THADA: variants seen among roughly 807,000 people sequenced by gnomAD.
The protein encoded by THADA is tRNA (32-2'-O)-methyltransferase regulator THADA.
Under a neutral mutation model 219.8 loss-of-function variants are expected in THADA, and 213 were observed. The ratio of observed to expected loss-of-function variants is 0.97; its 90% CI spans 0.87 to 1.09. The LOEUF (loss-of-function observed/expected upper bound fraction) is 1.09. Ranked by LOEUF, THADA falls within the 50% of genes least tolerant of loss-of-function variation. The pLI is 0.00. For missense variants in THADA, 2,956 were observed against 2,311.3 expected (o/e 1.28, Z -5.72); for synonymous variants, 1,018 against 828.9 (o/e 1.23, Z -3.92).
chr2:43,238,889 G>C (rs555922563), intron 36 of THADA, among the ~76,000 whole-genome samples: 1 of 136,972 alleles, frequency 7.3e-6, no homozygotes, highest in Admixed American at 6.8e-5. Flanking sequence ...GCCAAGAGCT[G>C]TGGGAGCTGG....
chr2:43,532,817 T>C (rs1377169703), intron 21 of THADA, among the ~76,000 whole-genome samples: 2 of 152,114 alleles, frequency 1.3e-5, no homozygotes, highest in Non-Finnish European at 2.9e-5. Flanking sequence ...GCAATACCAT[T>C]CACGACATAG....
chr2:43,282,696 C>T (rs1002807300), intron 35 of THADA, among the ~76,000 whole-genome samples: 1 of 152,114 alleles, frequency 6.6e-6, no homozygotes, highest in African/African-American at 2.4e-5. Context: ...TTATTAAACC[C>T]TATGCTTAAA....
intron 1 of THADA, among the ~76,000 whole-genome samples, chr2:43,595,129 C>T (rs1574417784): frequency 6.6e-6 from 1 of 152,198 alleles, no homozygotes; most frequent in Non-Finnish European, 1.5e-5. Flanking sequence ...AAACATTTGT[C>T]AGAGATGTTC....
intron 28 of THADA, among the ~76,000 whole-genome samples, chr2:43,402,035 A>T (rs1289996877): frequency 6.6e-6 from 1 of 152,186 alleles, no homozygotes; most frequent in Admixed American, 6.5e-5. Context: ...ATTTATGAAC[A>T]TATGCACACA....
At chr2:43,330,838 G>C (rs10166994) in intron 30 of THADA, among the ~76,000 whole-genome samples, 37,128 of 152,132 alleles carry the variant, frequency 0.24, 5,244 homozygotes, top group African/African-American at 0.39. Flanking sequence ...CAGGCCTCGG[G>C]AGAGGAAGAA....
chr2:43,429,856 A>T (rs1261525449), intron 27 of THADA, among the ~76,000 whole-genome samples: 1 of 151,824 alleles, frequency 6.6e-6, no homozygotes, highest in African/African-American at 2.4e-5. Flanking sequence ...CACTTTAATA[A>T]AAAAGCCAAT....
chr2:43,371,761 C>T (rs1670829132), intron 29 of THADA, among the ~76,000 whole-genome samples: 1 of 152,152 alleles, frequency 6.6e-6, no homozygotes, highest in South Asian at 2.1e-4. Context: ...GACTGAATTA[C>T]TTTGGTCTGT....
chr2:43,362,192 C>A (rs1333014801), intron 29 of THADA, among the ~76,000 whole-genome samples: 3 of 152,188 alleles, frequency 2.0e-5, no homozygotes, highest in African/African-American at 7.2e-5. Context: ...AGCAAAGCGT[C>A]TTTCCTGTGT....
intron 29 of THADA, among the ~76,000 whole-genome samples, chr2:43,350,194 T>TGCAG (rs1355143613): frequency 6.6e-6 from 1 of 152,088 alleles, no homozygotes; most frequent in Non-Finnish European, 1.5e-5. Context: ...CAAACAGAAC[T>TGCAG]GCAGGCAGGC....
At chr2:43,513,390 T>C (rs1690743893) in intron 22 of THADA, among the ~76,000 whole-genome samples, 1 of 152,070 alleles carries the variant, frequency 6.6e-6, no homozygotes, top group African/African-American at 2.4e-5. Context: ...TGAACAGAAA[T>C]GCAAAGTAGT....
chr2:43,532,354 A>G (rs1007009857), intron 21 of THADA, among the ~76,000 whole-genome samples: 3 of 147,526 alleles, frequency 2.0e-5, no homozygotes, highest in African/African-American at 7.5e-5. Context: ...CAGAGGTTGC[A>G]GTGAGCCAAG....
chr2:43,256,478 G>A (rs1277436650), intron 36 of THADA, among the ~76,000 whole-genome samples: 2 of 151,748 alleles, frequency 1.3e-5, no homozygotes, highest in Non-Finnish European at 2.9e-5. Flanking sequence ...GCATGATCAC[G>A]GCTCACTGCA....
At chr2:43,356,621 AC>A (rs1484532049) in intron 29 of THADA, among the ~76,000 whole-genome samples, 11 of 152,292 alleles carry the variant, frequency 7.2e-5, no homozygotes, top group Admixed American at 2.0e-4. Flanking sequence ...AATTCAAAGC[AC>A]CTTTAGTACC....
At chr2:43,513,046 T>G (rs935247083) in intron 22 of THADA, among the ~76,000 whole-genome samples, 1 of 152,192 alleles carries the variant, frequency 6.6e-6, no homozygotes, top group African/African-American at 2.4e-5. Flanking sequence ...TAGAATCCTT[T>G]CTCTGCTACC....
At chr2:43,437,718 T>C (rs919449885) in intron 26 of THADA, among the ~76,000 whole-genome samples, 9 of 152,196 alleles carry the variant, frequency 5.9e-5, no homozygotes, top group Non-Finnish European at 1.3e-4. Flanking sequence ...TGTTCTGGAC[T>C]TTCCGGACTC....
chr2:43,338,687 A>G (rs929846967), intron 30 of THADA, among the ~76,000 whole-genome samples: 4 of 152,148 alleles, frequency 2.6e-5, no homozygotes, highest in African/African-American at 9.7e-5. Flanking sequence ...CATATGTTGG[A>G]ATTTCCTTCC....
chr2:43,448,666 T>C (rs1476120887), intron 26 of THADA, among the ~76,000 whole-genome samples: 2 of 148,354 alleles, frequency 1.3e-5, no homozygotes. Context: ...TAACCACATA[T>C]CAGGGGAATG....
At chr2:43,587,523 C>A (rs1196045962) in intron 4 of THADA, among the ~76,000 whole-genome samples, 1 of 152,158 alleles carries the variant, frequency 6.6e-6, no homozygotes, top group African/African-American at 2.4e-5. Context: ...TCTGCTGTTT[C>A]CTCCATCCAA....
rs558980861 is a variant in THADA, at chr2:43,269,859, CAG to C, written c.5296+9904_5296+9905del. 1.4e-3 allele frequency among the ~76,000 whole-genome samples: 208 copies of C among 152,262 alleles called. 1 individual carries two copies. Among genetic ancestry groups the C allele is most frequent in the Middle Eastern group, 0.014 (4 of 294 alleles). ...ACACAGCCAGCTACGGAGAGAGGCCCAGAGAGACCAAGGCAGTGGAATCCCGG... is the reference window on the plus strand; with the variant it reads ...ACACAGCCAGCTACGGAGAGAGGCCCAGAGACCAAGGCAGTGGAATCCCGG... On this transcript the variant is annotated intron_variant, in intron 36 of 37. Transcript: ENST00000405975.
Sources: gnomAD v4.1 joint callset for allele counts (sites outside exome capture counted in the v4.1 genomes callset) on GRCh38, gnomAD v4.1.1 for gene constraint, MANE v1.5 for transcripts, NCBI Gene and HGNC (gene_info 2026-07-23, HGNC 2026-07-21) for gene names.